Variants in ERAP1 observed in about 807,000 individuals in gnomAD.
ERAP1 encodes adipocyte-derived leucine aminopeptidase.
A neutral mutation model predicts 103.7 loss-of-function variants in ERAP1; 86 were observed. The observed-to-expected ratio is 0.83, with a 90% CI of 0.70 to 0.99. ERAP1 has a LOEUF of 0.99. ERAP1 is among the 50% of genes least tolerant of loss of function. The probability of loss-of-function intolerance (pLI) is 0.00; values close to 1 mark genes in which losing one functional copy is unlikely to be tolerated. For missense variants in ERAP1, 1,009 were observed against 1,128.4 expected (o/e 0.89, Z 1.52); for synonymous variants, 398 against 402.4 (o/e 0.99, Z 0.13).
the ERAP1 span, among the ~76,000 whole-genome samples, chr5:96,859,830 C>A: frequency 6.6e-6 from 1 of 152,062 alleles, no homozygotes; most frequent in Non-Finnish European, 1.5e-5. Context: ...TTGACATCAG[C>A]CTAATAACAT....
At chr5:96,914,636 AT>A in the ERAP1 span, among the ~76,000 whole-genome samples, 2 of 152,024 alleles carry the variant, frequency 1.3e-5, no homozygotes, top group East Asian at 3.9e-4. Flanking sequence ...TTGGAACCAT[AT>A]TTTTTTCTGA....
At chr5:96,883,915 A>G in the ERAP1 span, 1 of 1,607,100 alleles carries the variant, frequency 6.2e-7, no homozygotes, top group Non-Finnish European at 8.5e-7. Context: ...ATATTGCACT[A>G]TCCAACATGC....
chr5:96,816,477 T>C, the ERAP1 span, among the ~76,000 whole-genome samples: 1 of 152,174 alleles, frequency 6.6e-6, no homozygotes, highest in Non-Finnish European at 1.5e-5. Flanking sequence ...CTTGCCCTTA[T>C]GCCAGGATGT....
chr5:96,865,790 G>C, the ERAP1 span, among the ~76,000 whole-genome samples: 1 of 152,032 alleles, frequency 6.6e-6, no homozygotes, highest in African/African-American at 2.4e-5. Context: ...ACTCAATAAG[G>C]GTTTTGGAAT....
the ERAP1 span, among the ~76,000 whole-genome samples, chr5:96,848,135 G>A: frequency 6.6e-6 from 1 of 152,094 alleles, no homozygotes; most frequent in Admixed American, 6.5e-5. Flanking sequence ...TGCAACCTCT[G>A]CCTCCCAGGT....
chr5:96,794,465 CAA>C (rs1489689346), intron 5 of ERAP1, among the ~76,000 whole-genome samples: 1 of 152,132 alleles, frequency 6.6e-6, no homozygotes, highest in Non-Finnish European at 1.5e-5. Flanking sequence ...GCTGAGATTA[CAA>C]GACATGAGCC....
chr5:96,784,216 C>T (rs1359708502), intron 13 of ERAP1, 136 bp from the exon 14 acceptor site: 30 of 929,204 alleles, frequency 3.2e-5, no homozygotes, highest in African/African-American at 1.3e-4. Flanking sequence ...TAACTACGGC[C>T]GGGCGCGGTG....
chr5:96,895,236 T>C, the ERAP1 span: 1 of 1,529,396 alleles, frequency 6.5e-7, no homozygotes, highest in African/African-American at 1.4e-5. Flanking sequence ...ATTGAGTTTT[T>C]ACCTCCTAGT....
At chr5:96,901,292 T>C in the ERAP1 span, among the ~76,000 whole-genome samples, 1 of 152,176 alleles carries the variant, frequency 6.6e-6, no homozygotes, top group Non-Finnish European at 1.5e-5. Context: ...TACTATATCC[T>C]GTATATATCC....
Position 96,775,835 on chromosome 5 carries a change from T to C in ERAP1, c.*561A>G. On this transcript the variant is annotated 3_prime_UTR_variant, in exon 19 of 19. Transcript: ENST00000443439. ...CCTCCTCCGACCCCAGCTCCAGCTCTCCGGCTCCCCACTGACCAACATCCA... is the reference window on the plus strand; with the variant it reads ...CCTCCTCCGACCCCAGCTCCAGCTCCCCGGCTCCCCACTGACCAACATCCA... 3 of 471,398 alleles carry C rather than the reference T, an allele frequency of 6.4e-6. No homozygotes were observed. The highest frequency in any genetic ancestry group is 5.6e-6 in the Non-Finnish European group (2 of 359,216). The allele number at this position is 471,398 out of a possible 1,614,324, so 29.2% of individuals were successfully genotyped here. A position where few individuals can be genotyped will look rare whatever the true frequency, so the allele number is the denominator to read the frequency against.
At chr5:96,766,026 A>T (rs763839351) in intron 19 of ERAP1, 2 of 1,244,308 alleles carry the variant, frequency 1.6e-6, no homozygotes, top group South Asian at 1.2e-5. Context: ...AATGAATATT[A>T]ATTCTATCTG....
the ERAP1 span, among the ~76,000 whole-genome samples, chr5:96,817,500 G>A: frequency 2.0e-5 from 3 of 152,234 alleles, no homozygotes; most frequent in African/African-American, 7.2e-5. Flanking sequence ...TCTATGTTGT[G>A]TCAGGGTTCA....
chr5:96,921,623 G>A, the ERAP1 span, among the ~76,000 whole-genome samples: 2 of 152,274 alleles, frequency 1.3e-5, no homozygotes, highest in Admixed American at 6.5e-5. Context: ...TTTTACAAAT[G>A]TATTCTTCTT....
At chr5:96,895,163 A>AG in the ERAP1 span, 243 of 776,078 alleles carry the variant, frequency 3.1e-4, no homozygotes, top group African/African-American at 4.5e-3. Flanking sequence ...ATAAAAAAAA[A>AG]GTTAGTAACT....
chr5:96,899,291 C>T, the ERAP1 span, among the ~76,000 whole-genome samples: 3 of 152,000 alleles, frequency 2.0e-5, no homozygotes, highest in Non-Finnish European at 4.4e-5. Flanking sequence ...AAGAAAAGTC[C>T]CCCATCAATC....
the ERAP1 span, among the ~76,000 whole-genome samples, chr5:96,920,661 G>A: frequency 6.6e-6 from 1 of 152,046 alleles, no homozygotes; most frequent in Non-Finnish European, 1.5e-5. Context: ...ATTCTTTATT[G>A]ACCTTCTTTC....
the ERAP1 span, among the ~76,000 whole-genome samples, chr5:96,851,612 C>G: frequency 1.3e-5 from 2 of 152,158 alleles, no homozygotes; most frequent in African/African-American, 4.8e-5. Context: ...AGGCATGACA[C>G]AGCAAACCCT....
chr5:96,808,044 G>A, upstream of ERAP1: 1 of 985,540 alleles, frequency 1.0e-6, no homozygotes, highest in South Asian at 4.7e-5. Flanking sequence ...CTGGGGAAAG[G>A]GTAAACGGGA....
At chr5:96,780,944 T>C in intron 17 of ERAP1, 114 bp downstream of exon 17, 4 of 1,228,448 alleles carry the variant, frequency 3.3e-6, no homozygotes, top group Non-Finnish European at 4.7e-6. Flanking sequence ...CTACTGCCTA[T>C]CTTCAATCAA....
Sources: gnomAD v4.1 joint callset for allele counts (sites outside exome capture counted in the v4.1 genomes callset) on GRCh38, gnomAD v4.1.1 for gene constraint, MANE v1.5 for transcripts, NCBI Gene and HGNC (gene_info 2026-07-23, HGNC 2026-07-21) for gene names.